FAM149A: variants seen among roughly 807,000 people sequenced by gnomAD.
FAM149A encodes the protein family with sequence similarity 149 member A, also known as protein FAM149A.
Under a neutral mutation model 78.2 loss-of-function variants are expected in FAM149A, and 71 were observed. That is an observed-to-expected ratio of 0.91 (90% CI 0.75 to 1.11). The LOEUF (loss-of-function observed/expected upper bound fraction) is 1.11. Ranked by LOEUF, FAM149A falls within the 50% of genes least tolerant of loss-of-function variation. The pLI is 0.00. For missense variants in FAM149A, 1,036 were observed against 971.0 expected (o/e 1.07, Z -0.89); for synonymous variants, 446 against 410.5 (o/e 1.09, Z -1.04).
intron 1 of FAM149A, among the ~76,000 whole-genome samples, chr4:186,120,492 T>A (rs2099315510): frequency 6.6e-6 from 1 of 152,066 alleles, no homozygotes; most frequent in African/African-American, 2.4e-5. Context: ...CCAATAAAAA[T>A]TTAAAAATCA....
At chr4:186,108,451 A>G (rs1373445869) in intron 1 of FAM149A, among the ~76,000 whole-genome samples, 2 of 152,138 alleles carry the variant, frequency 1.3e-5, no homozygotes, top group Non-Finnish European at 2.9e-5. Context: ...AGTGAAATTA[A>G]CTTGAGTAGG....
At position 186,105,309 on chromosome 4, in the gene FAM149A, A is replaced by G. The variant is rs1054306827; in HGVS notation, c.233A>G (p.Tyr78Cys). 3 of 1,159,860 alleles carry G rather than the reference A, an allele frequency of 2.6e-6. No homozygotes were observed. Among genetic ancestry groups the G allele is most frequent in the Admixed American group, 4.3e-5 (1 of 23,266 alleles). 71.8% of individuals were successfully genotyped at this position (1,159,860 alleles called of 1,614,324 possible). A position where few individuals can be genotyped will look rare whatever the true frequency, so the allele number is the denominator to read the frequency against. ...CCCGCCCCGCTGCTCTCCTCCCCCTACTCCCGGGGCTCCGCCGCCAGCCGC... is the reference window on the plus strand; with the variant it reads ...CCCGCCCCGCTGCTCTCCTCCCCCTGCTCCCGGGGCTCCGCCGCCAGCCGC... Residue 78 changes from tyrosine (Y) to cysteine (C), a missense_variant, in exon 1 of 14, where the codon TAC (tyrosine) becomes TGC (cysteine). Tyr to Cys is a radical substitution (Grantham distance 194). Transcript: ENST00000389354.
At chr4:186,107,057 C>CT (rs1174702405) in intron 1 of FAM149A, among the ~76,000 whole-genome samples, 1 of 152,206 alleles carries the variant, frequency 6.6e-6, no homozygotes, top group Non-Finnish European at 1.5e-5. Flanking sequence ...ATAGTTTTCC[C>CT]TATCAGTTAA....
intron 1 of FAM149A, among the ~76,000 whole-genome samples, chr4:186,138,026 A>G (rs939351266): frequency 1.3e-5 from 2 of 152,226 alleles, no homozygotes; most frequent in African/African-American, 2.4e-5. Flanking sequence ...ATTTAAATGT[A>G]TAGAGGAGGT....
At chr4:186,110,056 G>A (rs1005220756) in intron 1 of FAM149A, 3 of 985,364 alleles carry the variant, frequency 3.0e-6, no homozygotes, top group Non-Finnish European at 3.6e-6. Context: ...GAAACCCTGT[G>A]ATTTATATTC....
chr4:186,140,441 CTTTTTTTTT>C (rs67506672), intron 1 of FAM149A, among the ~76,000 whole-genome samples: 1 of 104,964 alleles, frequency 9.5e-6, no homozygotes, highest in African/African-American at 3.7e-5. Context: ...ACACACCTAG[CTTTTTTTTT>C]TTTTTTTTTT....
chr4:186,154,666 C>T (rs903086764), intron 6 of FAM149A, 28 bp downstream of exon 6: 4 of 1,584,428 alleles, frequency 2.5e-6, no homozygotes, highest in Non-Finnish European at 3.4e-6. Context: ...TGACATTGAC[C>T]TCATAAAATA....
intron 1 of FAM149A, among the ~76,000 whole-genome samples, chr4:186,108,769 C>T (rs139276864): frequency 6.6e-6 from 1 of 152,182 alleles, no homozygotes; most frequent in East Asian, 1.9e-4. Context: ...CAGTCTCACT[C>T]ATCCCTCTTC....
At chr4:186,150,239 T>TCTCCTCCCTC (rs1170006530) in intron 3 of FAM149A, among the ~76,000 whole-genome samples, 1 of 151,818 alleles carries the variant, frequency 6.6e-6, no homozygotes, top group Non-Finnish European at 1.5e-5. Context: ...CTGGCTCCAG[T>TCTCCTCCCTC]CTCCTCCCTC....
chr4:186,153,747 C>G lies in FAM149A; in HGVS notation c.1035C>G (p.Cys345Trp). 1 of 1,610,840 alleles carries G rather than the reference C, an allele frequency of 6.2e-7. No homozygotes were observed. Among genetic ancestry groups the G allele is most frequent in the Non-Finnish European group, 8.5e-7 (1 of 1,177,416 alleles). ...TCCACAGACCCCCGCTCAGTGCCTGCGGACACAGCAGCAACATCAGAGAGT... is the reference window on the plus strand; with the variant it reads ...TCCACAGACCCCCGCTCAGTGCCTGGGGACACAGCAGCAACATCAGAGAGT... The change falls in exon 5 of 14, where the codon TGC becomes TGG. Residue 345 changes from cysteine (C) to tryptophan (W), a missense_variant. Transcript: ENST00000389354.
intron 13 of FAM149A, among the ~76,000 whole-genome samples, chr4:186,168,916 AGAG>A (rs1381841473): frequency 6.6e-6 from 1 of 152,136 alleles, no homozygotes; most frequent in Non-Finnish European, 1.5e-5. Context: ...GAGGCTTCCT[AGAG>A]GAGATGACCA....
intron 8 of FAM149A, chr4:186,160,725 T>TCCCCACACCACACACACACCA (rs1734530371): frequency 1.2e-6 from 1 of 860,752 alleles, no homozygotes; most frequent in African/African-American, 2.4e-5. Context: ...CACACACACC[T>TCCCCACACCACACACACACCA]CACCACACCC....
intron 1 of FAM149A, among the ~76,000 whole-genome samples, chr4:186,128,116 G>C (rs560466852): frequency 6.8e-6 from 1 of 147,256 alleles, no homozygotes; most frequent in East Asian, 2.0e-4. Flanking sequence ...TCAGCCTCCC[G>C]AGTAGTTGTG....
In FAM149A at chr4:186,144,268, A is replaced by C. The variant is rs1445498500; in HGVS notation, c.567-4905A>C. ...CTGGGCCTCCAAAACTGAAACGAGC[A>C]CATGGTAACGCAAGCGGCAGGCATG... On this transcript the variant is annotated intron_variant, in intron 1 of 13. Coordinates refer to ENST00000389354, the MANE Select transcript of FAM149A (RefSeq NM_001367768.3). This position sits in a 1 kb window ranked among gnomAD's most constrained non-coding sequence, Gnocchi z 4.2. The C allele has an allele frequency of 6.6e-6, 1 of 152,262 alleles. No homozygotes were observed. The highest frequency in any genetic ancestry group is 1.5e-5 in the Non-Finnish European group (1 of 68,110). 9.4% of individuals were successfully genotyped at this position (152,262 alleles called of 1,614,324 possible). A position where few individuals can be genotyped will look rare whatever the true frequency, so the allele number is the denominator to read the frequency against.
At chr4:186,145,083 G>A (rs1057158982) in intron 1 of FAM149A, 3 of 985,344 alleles carry the variant, frequency 3.0e-6, no homozygotes, top group East Asian at 1.1e-4. Flanking sequence ...CGGGGGCTGC[G>A]AGCACAGGCC....
intron 8 of FAM149A, among the ~76,000 whole-genome samples, chr4:186,162,604 C>T (rs997820510): frequency 2.6e-5 from 4 of 152,194 alleles, no homozygotes; most frequent in Non-Finnish European, 1.5e-5. Context: ...TCACTTCTGG[C>T]CACTTTGGGC....
chr4:186,110,132 A>G (rs956863841), intron 1 of FAM149A: 4 of 985,442 alleles, frequency 4.1e-6, no homozygotes, highest in Middle Eastern at 5.2e-4. Context: ...ACACATGCCC[A>G]TAAAAGACAT....
intron 1 of FAM149A, among the ~76,000 whole-genome samples, chr4:186,135,371 A>G (rs2099322272): frequency 6.6e-6 from 1 of 152,194 alleles, no homozygotes; most frequent in South Asian, 2.1e-4. Context: ...TGTCATATAC[A>G]TATGAGTGGT....
chr4:186,119,753 G>A (rs9999125), intron 1 of FAM149A, among the ~76,000 whole-genome samples: 53,487 of 152,016 alleles, frequency 0.35, 9,801 homozygotes, highest in African/African-American at 0.42. Context: ...TCTTTGTATA[G>A]AAAGGTAAAG....
Sources: gnomAD v4.1 joint callset for allele counts (sites outside exome capture counted in the v4.1 genomes callset) on GRCh38, gnomAD v4.1.1 for gene constraint, Gnocchi (gnomAD v3.1) non-coding constraint, MANE v1.5 for transcripts, NCBI Gene and HGNC (gene_info 2026-07-23, HGNC 2026-07-21) for gene names.